The following SS18L2 variants were observed in gnomAD, a reference collection of about 807,000 sequenced individuals.
SS18L2 encodes the protein SS18 like 2.
In SS18L2, 8 loss-of-function variants were observed where a neutral mutation model predicts 10.3. The ratio of observed to expected loss-of-function variants is 0.78; its 90% CI spans 0.46 to 1.41. The LOEUF (loss-of-function observed/expected upper bound fraction) is 1.41. SS18L2 is among the 40% of genes most tolerant of loss of function. The probability of loss-of-function intolerance (pLI) is 0.00; values close to 1 mark genes in which losing one functional copy is unlikely to be tolerated. For synonymous variants in SS18L2, 41 were observed against 34.6 expected (o/e 1.19, Z -0.65); for missense variants, 100 against 96.2 (o/e 1.04, Z -0.17).
chr3:42,589,620 C>T (rs1403649802), upstream of SS18L2, among the ~76,000 whole-genome samples: 2 of 152,146 alleles, frequency 1.3e-5, no homozygotes, highest in Non-Finnish European at 2.9e-5. Flanking sequence ...TTAGGATCAG[C>T]GGGAGCATTA....
rs1704502363 is a variant in SS18L2 at position 42,583,495 on chromosome 3, C to G, written c.-90+1537C>G. Among the ~76,000 whole-genome samples, 2 of 152,134 alleles carry G rather than the reference C, an allele frequency of 1.3e-5. 1 individual carries two copies. The highest frequency in any genetic ancestry group is 4.8e-5 in the African/African-American group (2 of 41,416). ...CACTGGAAGAGGAGATAAGATTGATCTTGAGCTCCATCTTAGACAAGTTGA... is the reference window on the plus strand; with the variant it reads ...CACTGGAAGAGGAGATAAGATTGATGTTGAGCTCCATCTTAGACAAGTTGA... On this transcript the variant is annotated intron_variant, in intron 1 of 3. Transcript: ENST00000447630.
At chr3:42,585,932 A>C (rs1704595011), upstream of SS18L2, among the ~76,000 whole-genome samples, 1 of 149,680 alleles carries the variant, frequency 6.7e-6, no homozygotes, top group African/African-American at 2.5e-5. Context: ...CAGATCTCCC[A>C]CTCTTCAACC....
chr3:42,592,454 C>T (rs1318847084), intron 2 of SS18L2, among the ~76,000 whole-genome samples: 1 of 152,184 alleles, frequency 6.6e-6, no homozygotes. Context: ...CCCACCTCGA[C>T]CTCCCAAAGT....
At chr3:42,587,573 A>G (rs1198989950), upstream of SS18L2, 1 of 151,950 alleles carries the variant, frequency 6.6e-6, no homozygotes, top group African/African-American at 2.4e-5. Context: ...CTGAAAAAAA[A>G]AAAATACAAA....
chr3:42,590,786 C>T (rs1273109043), upstream of SS18L2: 19 of 1,096,628 alleles, frequency 1.7e-5, no homozygotes, highest in Non-Finnish European at 2.4e-5. Context: ...CAAATGACGT[C>T]CCTTCTGTAC....
At position 42,592,203 on chromosome 3, in the gene SS18L2, C is replaced by A. The variant is rs141830180; in HGVS notation, c.146+602C>A. 5.3e-3 allele frequency among the ~76,000 whole-genome samples: 786 copies of A among 147,348 alleles called. 2 individuals carry two copies. Among genetic ancestry groups the A allele is most frequent in the Admixed American group, 7.6e-3 (113 of 14,778 alleles). ...GGTATTACGCCCATTTTTTTCTTTTCTTTTTTTTTTTCTTTTTGAGACAGT... is the reference window on the plus strand; with the variant it reads ...GGTATTACGCCCATTTTTTTCTTTTATTTTTTTTTTTCTTTTTGAGACAGT... On this transcript the variant is annotated intron_variant, in intron 2 of 2. Coordinates refer to ENST00000011691, the MANE Select transcript of SS18L2 (RefSeq NM_001370300.1).
intron 1 of SS18L2, among the ~76,000 whole-genome samples, chr3:42,585,479 C>G (rs773362471): frequency 1.3e-5 from 2 of 152,206 alleles, no homozygotes; most frequent in Admixed American, 6.5e-5. Flanking sequence ...TGTCCTTCTG[C>G]TATTCTCTGA....
At chr3:42,591,130 C>T (rs978250389) in intron 1 of SS18L2, 164 bp downstream of exon 1, 5 of 718,668 alleles carry the variant, frequency 7.0e-6, no homozygotes, top group Non-Finnish European at 1.2e-5. Context: ...GCACAGGCGC[C>T]GGGGCAGGAC....
chr3:42,589,082 G>T (rs1329222987), upstream of SS18L2, among the ~76,000 whole-genome samples: 3 of 151,624 alleles, frequency 2.0e-5, no homozygotes, highest in Non-Finnish European at 4.4e-5. Context: ...GACCAATATG[G>T]TGAAACCCCA....
chr3:42,594,440 T>C lies in SS18L2; in HGVS notation c.165T>C (p.His55=), dbSNP rs781042368. 1.2e-6 allele frequency: 2 copies of C among 1,613,992 alleles called. No individual in the cohort carries two copies. Among genetic ancestry groups the C allele is most frequent in the East Asian group, 2.2e-5 (1 of 44,872 alleles). ...NECVQYQHVL[H]RNLIYLATIA... ...CCCATAGGTACCAGCATGTGTTACA[T>C]AGAAATCTCATTTATTTGGCTACCA... Residue 55 remains histidine, a synonymous_variant, in exon 3 of 3, where the codon CAT becomes CAC. Transcript: ENST00000011691.
chr3:42,591,600 C>T lies in SS18L2; in HGVS notation c.145C>T (p.Gln49Ter), dbSNP rs960774589. ...CAAGGGCCGCGGGAACGAGTGCGTG[C>T]AGTAAGTACCCCCACCCCCGCGCCC... ...QNKGRGNECV[Q>*]YQHVLHRNLI... Residue 49 changes from glutamine to a stop codon, truncating the protein, a stop_gained and splice_region_variant, in exon 2 of 3, where the codon CAG (glutamine) becomes TAG (stop). Coordinates refer to ENST00000011691, the MANE Select transcript of SS18L2 (RefSeq NM_001370300.1). LOFTEE classifies it high-confidence loss of function. The T allele has an allele frequency of 1.2e-6, 2 of 1,610,076 alleles. No individual in the cohort carries two copies. Among genetic ancestry groups the T allele is most frequent in the African/African-American group, 2.7e-5 (2 of 74,834 alleles).
Position 42,590,971 on chromosome 3 carries a change from GCATC to G in SS18L2, c.69+8_69+11del, listed in dbSNP as rs1559536383. 1 of 409,290 alleles carries G rather than the reference GCATC, an allele frequency of 2.4e-6. No homozygotes were observed. Among genetic ancestry groups the G allele is most frequent in the Non-Finnish European group, 5.0e-6 (1 of 200,716 alleles). 25.4% of individuals were successfully genotyped at this position (409,290 alleles called of 1,614,324 possible). On this transcript the variant is annotated splice_donor_region_variant and intron_variant, in intron 1 of 2. Coordinates refer to ENST00000011691, the MANE Select transcript of SS18L2 (RefSeq NM_001370300.1). ...AATCAAGAGACTATCCAGCGGGTGA[GCATC>G]CACGCGGGCGGGCGGGCGGGCGGAG...
chr3:42,586,890 A>C (rs1165959343), upstream of SS18L2, among the ~76,000 whole-genome samples: 1 of 152,112 alleles, frequency 6.6e-6, no homozygotes, highest in Non-Finnish European at 1.5e-5. Context: ...TATCACCTTC[A>C]TTTCCATTCC....
intron 1 of SS18L2, 187 bp from the exon 2 acceptor site, chr3:42,591,338 A>G (rs1704830476): frequency 5.0e-6 from 3 of 600,538 alleles, no homozygotes; most frequent in Non-Finnish European, 8.9e-6. Context: ...AGCTGGGATT[A>G]CAGGAGCGCG....
chr3:42,587,704 C>A (rs1704666139), upstream of SS18L2: 1 of 151,916 alleles, frequency 6.6e-6, no homozygotes, highest in Admixed American at 6.6e-5. Flanking sequence ...CCACAGCACT[C>A]CAGCCTGGGC....
chr3:42,588,870 T>C (rs1704711601), upstream of SS18L2, among the ~76,000 whole-genome samples: 1 of 152,150 alleles, frequency 6.6e-6, no homozygotes, highest in Non-Finnish European at 1.5e-5. Context: ...GGAAGCCTGA[T>C]GTGGAGTTAA....
At chr3:42,583,121 T>C (rs1388439258) in intron 1 of SS18L2, among the ~76,000 whole-genome samples, 1 of 152,172 alleles carries the variant, frequency 6.6e-6, no homozygotes, top group Non-Finnish European at 1.5e-5. Flanking sequence ...TTATGGACCA[T>C]AGTGGAAAGT....
intron 1 of SS18L2, among the ~76,000 whole-genome samples, chr3:42,585,793 A>G (rs1177650390): frequency 6.6e-6 from 1 of 152,084 alleles, no homozygotes; most frequent in African/African-American, 2.4e-5. Flanking sequence ...TCACAACCAC[A>G]CAGATCAGTG....
Position 42,596,297 on chromosome 3 carries a change from C to T in SS18L2, c.*1788C>T, listed in dbSNP as rs1705028237. On this transcript the variant is annotated 3_prime_UTR_variant, in exon 3 of 3. Coordinates refer to ENST00000011691, the MANE Select transcript of SS18L2 (RefSeq NM_001370300.1). ...TCAGCCTCCTAGAGTGCTGGGATTA[C>T]AGGCGTAAGCCACCGCGCCCAGCCG... Among the ~76,000 whole-genome samples the T allele has an allele frequency of 6.6e-6, 1 of 152,214 alleles. No individual in the cohort carries two copies. Among genetic ancestry groups the T allele is most frequent in the Non-Finnish European group, 1.5e-5 (1 of 68,032 alleles).
Sources: allele counts gnomAD v4.1 joint callset (sites outside exome capture counted in the v4.1 genomes callset), GRCh38; gene constraint gnomAD v4.1.1; transcripts MANE v1.5; gene names NCBI Gene and HGNC (gene_info 2026-07-23, HGNC 2026-07-21).